Variants in MYO16 observed in about 807,000 individuals in gnomAD.
MYO16 encodes the protein myosin XVI, also known as unconventional myosin-XVI.
MYO16 carries 94 observed loss-of-function variants against 205.3 expected under a neutral mutation model. The ratio of observed to expected loss-of-function variants is 0.46; its 90% CI spans 0.39 to 0.54. The LOEUF is 0.54. Ranked by LOEUF, MYO16 falls within the 20% of genes least tolerant of loss-of-function variation. The pLI is 0.00. For synonymous variants in MYO16, 988 were observed against 954.0 expected (o/e 1.04, Z -0.66); for missense variants, 2,315 against 2,387.5 (o/e 0.97, Z 0.63).
At chr13:108,965,962 T>C (rs1883778494) in intron 20 of MYO16, among the ~76,000 whole-genome samples, 1 of 152,180 alleles carries the variant, frequency 6.6e-6, no homozygotes, top group African/African-American at 2.4e-5. Flanking sequence ...CTTTAGAGGT[T>C]TCTTGGAAAA....
chr13:109,023,695 G>GTACATATGTATATATACA (rs1566468350), intron 23 of MYO16, among the ~76,000 whole-genome samples: 1 of 113,460 alleles, frequency 8.8e-6, no homozygotes, highest in African/African-American at 3.1e-5. Flanking sequence ...ACATATATAT[G>GTACATATGTATATATACA]TATATATGTA....
rs1594148279 is a variant in MYO16 at position 109,165,050 on chromosome 13, A to G, written c.5314A>G (p.Ile1772Val). The change falls in exon 33 of 35, where the codon ATC becomes GTC. Residue 1772 changes from isoleucine to valine, a missense_variant. By Grantham distance (29) the Ile-to-Val change is conservative (BLOSUM62 3). Around this residue, in one of 3 missense-constraint regions of MYO16, gnomAD observed 1,097 missense variants for 1,092.0 expected, o/e 1.00. Coordinates refer to ENST00000457511, the MANE Select transcript of MYO16 (RefSeq NM_001198950.3). Reference sequence around the variant, plus strand: ...TATAACTGCTGAAAATGGAAATTCCATCTCAAATGGTAAGCACTTTTTAAA... The same window carrying G: ...TATAACTGCTGAAAATGGAAATTCCGTCTCAAATGGTAAGCACTTTTTAAA... ...SAITAENGNS[I>V]SNGLPEEDGY... 6.3e-6 allele frequency: 10 copies of G among 1,594,430 alleles called. No individual in the cohort carries two copies. The highest frequency in any genetic ancestry group is 8.5e-6 in the Non-Finnish European group (10 of 1,172,644).
chr13:108,900,216 A>T (rs1367917252), intron 15 of MYO16, among the ~76,000 whole-genome samples: 2 of 152,172 alleles, frequency 1.3e-5, no homozygotes, highest in Non-Finnish European at 2.9e-5. Flanking sequence ...TTATGTACAC[A>T]TATTAAAAAG....
At chr13:109,094,834 T>C (rs1888728857) in intron 27 of MYO16, among the ~76,000 whole-genome samples, 2 of 152,230 alleles carry the variant, frequency 1.3e-5, no homozygotes, top group Non-Finnish European at 2.9e-5. Flanking sequence ...GAATTCATGC[T>C]TTTGTTACGG....
chr13:108,576,091 A>T, the MYO16 span, among the ~76,000 whole-genome samples: 1 of 152,156 alleles, frequency 6.6e-6, no homozygotes, highest in Non-Finnish European at 1.5e-5. Flanking sequence ...CCAGATTTGA[A>T]CACGTAAGTC....
chr13:108,603,484 G>A (rs1350256765), intron 1 of MYO16, among the ~76,000 whole-genome samples: 1 of 151,986 alleles, frequency 6.6e-6, no homozygotes, highest in Non-Finnish European at 1.5e-5. Context: ...TTGAATCTTT[G>A]AAATAATATT....
the MYO16 span, among the ~76,000 whole-genome samples, chr13:108,529,673 G>T: frequency 3.3e-5 from 5 of 152,308 alleles, no homozygotes; most frequent in South Asian, 1.0e-3. Flanking sequence ...GGATGGCAGG[G>T]TAAGTTACAA....
chr13:108,858,205 A>G (rs540253208), intron 11 of MYO16, among the ~76,000 whole-genome samples: 70 of 152,176 alleles, frequency 4.6e-4, no homozygotes, highest in Non-Finnish European at 9.0e-4. Context: ...TTTAATCCCT[A>G]TCTGTTGGAG....
intron 24 of MYO16, among the ~76,000 whole-genome samples, chr13:109,049,284 C>G: frequency 6.6e-6 from 1 of 152,114 alleles, no homozygotes; most frequent in East Asian, 1.9e-4. Context: ...AAATATGCCT[C>G]TTCACCAGGA....
chr13:108,656,511 G>T (rs1881252231), intron 1 of MYO16, among the ~76,000 whole-genome samples: 1 of 152,128 alleles, frequency 6.6e-6, no homozygotes, highest in Admixed American at 6.5e-5. Flanking sequence ...GACATCAATA[G>T]TGCCCACTTC....
chr13:108,796,976 A>T (rs1212350337), intron 6 of MYO16, among the ~76,000 whole-genome samples: 1 of 152,194 alleles, frequency 6.6e-6, no homozygotes, highest in Non-Finnish European at 1.5e-5. Context: ...TGAAAAGGAC[A>T]GGGGTAAACC....
chr13:108,767,137 CTG>C (rs924386225), intron 4 of MYO16, among the ~76,000 whole-genome samples: 1 of 152,126 alleles, frequency 6.6e-6, no homozygotes, highest in Admixed American at 6.5e-5. Context: ...GAGTCTCTCT[CTG>C]TCGCCCAGGC....
chr13:108,741,284 A>G (rs902476399), intron 4 of MYO16, among the ~76,000 whole-genome samples: 7 of 152,126 alleles, frequency 4.6e-5, no homozygotes, highest in Admixed American at 2.6e-4. Flanking sequence ...ACCACCCCCT[A>G]TAATATTGCT....
At chr13:108,694,876 G>C (rs370985828) in intron 2 of MYO16, among the ~76,000 whole-genome samples, 5 of 152,276 alleles carry the variant, frequency 3.3e-5, no homozygotes, top group African/African-American at 1.2e-4. Context: ...ACTTTGGGAG[G>C]CTGAGGCGGG....
chr13:108,800,104 G>A (rs1372961432), intron 6 of MYO16, among the ~76,000 whole-genome samples: 1 of 152,112 alleles, frequency 6.6e-6, no homozygotes, highest in Non-Finnish European at 1.5e-5. Context: ...CTCAGCTTTT[G>A]GGAGTTTGAG....
chr13:108,570,546 A>G, the MYO16 span, among the ~76,000 whole-genome samples: 1 of 152,190 alleles, frequency 6.6e-6, no homozygotes, highest in Non-Finnish European at 1.5e-5. Flanking sequence ...CATCATGTCC[A>G]GTCTATTTCT....
At position 108,698,189 on chromosome 13, in the gene MYO16, G is replaced by A. The variant is rs76044175; in HGVS notation, c.293-14472G>A. ...AATTTCCAGCTGGAGAATCCATCAC[G>A]CCCAACTGGGGTCAGATGTCCAGGT... On this transcript the variant is annotated intron_variant, in intron 2 of 34. Transcript: ENST00000457511. Among the ~76,000 whole-genome samples, 1,152 of 152,182 alleles carry A rather than the reference G, an allele frequency of 7.6e-3. 18 individuals are homozygous for A. Among genetic ancestry groups the A allele is most frequent in the African/African-American group, 0.026 (1,092 of 41,530 alleles).
chr13:108,866,518 A>G (rs1044278918), intron 12 of MYO16, among the ~76,000 whole-genome samples: 1 of 152,186 alleles, frequency 6.6e-6, no homozygotes, highest in South Asian at 2.1e-4. Context: ...ATGTAAGTAT[A>G]TTTTCCATAC....
Position 109,127,401 on chromosome 13 carries a change from C to G in MYO16, c.3902C>G (p.Ser1301Trp). Residue 1301 changes from serine to tryptophan, a missense_variant, in exon 31 of 35, where the codon TCG becomes TGG. Coordinates refer to ENST00000457511, the MANE Select transcript of MYO16 (RefSeq NM_001198950.3). The surrounding 1 kb of genome is among the most constrained non-coding windows in gnomAD (Gnocchi z 4.2). ...GPSIWSPSLHSVFSMDDSSSL... is the reference protein window; with the variant it reads ...GPSIWSPSLHWVFSMDDSSSL... ...TCCATCTGGTCTCCTTCGCTGCACT[C>G]GGTGTTCAGCATGGATGACAGCAGC... 2 of 1,613,966 alleles carry G rather than the reference C, an allele frequency of 1.2e-6. No homozygotes were observed. Among genetic ancestry groups the G allele is most frequent in the Non-Finnish European group, 1.7e-6 (2 of 1,179,980 alleles).
Sources: gnomAD v4.1 joint callset for allele counts (sites outside exome capture counted in the v4.1 genomes callset) on GRCh38, gnomAD v4.1.1 for gene constraint, gnomAD v4.1.1 regional missense constraint, Gnocchi (gnomAD v3.1) non-coding constraint, MANE v1.5 for transcripts, NCBI Gene and HGNC (gene_info 2026-07-23, HGNC 2026-07-21) for gene names.